Variants in PPAT observed in about 807,000 individuals in gnomAD.
PPAT encodes the protein phosphoribosyl pyrophosphate amidotransferase.
In PPAT, 20 loss-of-function variants were observed where a neutral mutation model predicts 60.2. The ratio of observed to expected loss-of-function variants is 0.33; its 90% CI spans 0.23 to 0.48. The LOEUF is 0.48. Ranked by LOEUF, PPAT falls within the 20% of genes least tolerant of loss-of-function variation. The probability of loss-of-function intolerance (pLI) is 0.99; values close to 1 mark genes in which losing one functional copy is unlikely to be tolerated. For missense variants in PPAT, 349 were observed against 629.6 expected, an observed-to-expected ratio of 0.55 and a Z score of 4.77; for synonymous variants, 194 against 215.1, an observed-to-expected ratio of 0.90 and a Z score of 0.86.
intron 1 of PPAT, among the ~76,000 whole-genome samples, chr4:56,429,633 G>T (rs1473526530): frequency 5.3e-5 from 8 of 152,142 alleles, no homozygotes; most frequent in African/African-American, 1.9e-4. Context: ...AAATAATCCA[G>T]CTTTAATGCC....
rs543108405 is a variant in PPAT at position 56,403,658 on chromosome 4, C to G, written c.403-257G>C. ...ATTACATTTATTGTGCACTTTATTT[C>G]TATTATTACTATACTGTAATATATA... On this transcript the variant is annotated intron_variant, in intron 3 of 10. Transcript: ENST00000264220. 9.2e-5 allele frequency among the ~76,000 whole-genome samples: 14 copies of G among 152,226 alleles called. No individual in the cohort carries two copies. The East Asian group carries it at 2.1e-3, about 23-fold the overall frequency.
rs140985493 is a variant in PPAT at position 56,393,976 on chromosome 4, C to G, written c.*1376G>C. The G allele has an allele frequency of 4.6e-5, 7 of 152,150 alleles. No individual in the cohort carries two copies. In the East Asian group the frequency reaches 1.4e-3, roughly 29 times the overall value. The allele number at this position is 152,150 out of a possible 1,614,324, so 9.4% of individuals were successfully genotyped here. A position where few individuals can be genotyped will look rare whatever the true frequency, so the allele number is the denominator to read the frequency against. On this transcript the variant is annotated 3_prime_UTR_variant, in exon 11 of 11. Coordinates refer to ENST00000264220, the MANE Select transcript of PPAT (RefSeq NM_002703.5). ...GCCTGCTATAATATAATATGCGAGA[C>G]TATATACCAAAGGAAGACAAACAGT...
At chr4:56,425,410 A>G in intron 1 of PPAT, 3 of 940,490 alleles carry the variant, frequency 3.2e-6, no homozygotes, top group Non-Finnish European at 3.8e-6. Context: ...CTAAAACTTC[A>G]GAAAACCGAA....
At chr4:56,402,820 CAAAAAAAAAAAA>C (rs556899549) in intron 5 of PPAT, among the ~76,000 whole-genome samples, 1 of 44,048 alleles carries the variant, frequency 2.3e-5, no homozygotes, top group East Asian at 5.5e-4. Flanking sequence ...ACTCGGTCTC[CAAAAAAAAAAAA>C]AAAAAAAAAA....
chr4:56,401,225 T>C, intron 7 of PPAT, 105 bp downstream of exon 7: 3 of 1,058,948 alleles, frequency 2.8e-6, no homozygotes, highest in South Asian at 3.4e-5. Flanking sequence ...CATATAACTA[T>C]ATGCCTTCAA....
chr4:56,413,623 T>C (rs1231434901), intron 1 of PPAT, among the ~76,000 whole-genome samples: 1 of 152,072 alleles, frequency 6.6e-6, no homozygotes, highest in Non-Finnish European at 1.5e-5. Flanking sequence ...AGGCCAGGCA[T>C]GGTGGCTCAT....
intron 1 of PPAT, among the ~76,000 whole-genome samples, chr4:56,412,836 C>G (rs1010561933): frequency 3.9e-5 from 6 of 152,116 alleles, no homozygotes; most frequent in Admixed American, 1.3e-4. Context: ...CACCCTCTTC[C>G]CATATACTTT....
At chr4:56,402,019 C>T in intron 6 of PPAT, 90 bp downstream of exon 6, 1 of 977,146 alleles carries the variant, frequency 1.0e-6, no homozygotes, top group Non-Finnish European at 1.4e-6. Context: ...AAAAAGAAAA[C>T]TTTCAAACTT....
chr4:56,406,493 A>G lies in PPAT; in HGVS notation c.402+2T>C. 6.2e-7 allele frequency: 1 copy of G among 1,609,132 alleles called. No homozygotes were observed. The highest frequency in any genetic ancestry group is 8.5e-7 in the Non-Finnish European group (1 of 1,177,240). ...CTAGGGAAAACAAACAAACAAACGTACCTTTTTCCTTAATCGAGCAGCATT... is the reference window on the plus strand; with the variant it reads ...CTAGGGAAAACAAACAAACAAACGTGCCTTTTTCCTTAATCGAGCAGCATT... On this transcript the variant is annotated splice_donor_variant, in intron 3 of 10. Transcript: ENST00000264220. LOFTEE classifies it high-confidence loss of function.
chr4:56,406,786 C>T, intron 2 of PPAT, 85 bp from the exon 3 acceptor site: 1 of 911,702 alleles, frequency 1.1e-6, no homozygotes, highest in East Asian at 2.6e-5. Flanking sequence ...CCAGCCAATC[C>T]AAATAAGACA....
chr4:56,408,722 C>T (rs1359621961), intron 1 of PPAT, among the ~76,000 whole-genome samples: 1 of 150,264 alleles, frequency 6.7e-6, no homozygotes, highest in Non-Finnish European at 1.5e-5. Flanking sequence ...CCACTGCACT[C>T]CGGCCTGGGC....
Position 56,396,816 on chromosome 4 carries a change from T to G in PPAT, c.1237-77A>C. 7.1e-7 allele frequency: 1 copy of G among 1,411,454 alleles called. No homozygotes were observed. The highest frequency in any genetic ancestry group is 9.6e-7 in the Non-Finnish European group (1 of 1,043,762). The allele number at this position is 1,411,454 out of a possible 1,614,324, so 87.4% of individuals were successfully genotyped here. On this transcript the variant is annotated intron_variant, in intron 9 of 10. Transcript: ENST00000264220. The surrounding 1 kb of genome is among the most constrained non-coding windows in gnomAD (Gnocchi z 4.6). ...TCATTGTGCAAATACAATACAAAAT[T>G]GTTTTGCAGAATATTCAGTAACAAC...
intron 1 of PPAT, among the ~76,000 whole-genome samples, chr4:56,426,485 C>T (rs931712895): frequency 2.0e-5 from 3 of 152,056 alleles, no homozygotes; most frequent in Non-Finnish European, 4.4e-5. Context: ...AACCACTAAC[C>T]AACTTTCTGT....
chr4:56,413,079 G>A (rs549332487), intron 1 of PPAT, among the ~76,000 whole-genome samples: 28 of 152,274 alleles, frequency 1.8e-4, no homozygotes, highest in Admixed American at 5.2e-4. Context: ...ATTACTTTAA[G>A]ACACAAAGTA....
Position 56,395,493 on chromosome 4 carries a change from T to C in PPAT, c.1413A>G (p.Glu471=). 1 of 1,610,872 alleles carries C rather than the reference T, an allele frequency of 6.2e-7. No individual in the cohort carries two copies. Among genetic ancestry groups the C allele is most frequent in the East Asian group, 2.2e-5 (1 of 44,562 alleles). ...SVEGLVSSVQ[E]GIKFKKQKEK... ...CTTTCTGTTTTTTAAACTTTATCCCTTCTTGTACAGATGAAACCAGTCCTT... is the reference window on the plus strand; with the variant it reads ...CTTTCTGTTTTTTAAACTTTATCCCCTCTTGTACAGATGAAACCAGTCCTT... Residue 471 remains glutamate (E), a synonymous_variant, in exon 11 of 11, where the codon GAA becomes GAG. Coordinates refer to ENST00000264220, the MANE Select transcript of PPAT (RefSeq NM_002703.5).
intron 1 of PPAT, 42 bp from the exon 2 acceptor site, chr4:56,407,758 G>A (rs1716282883): frequency 6.9e-7 from 1 of 1,448,116 alleles, no homozygotes; most frequent in Middle Eastern, 1.7e-4. Context: ...TCTGCCAATT[G>A]ATTAGCTTCT....
In PPAT at chr4:56,412,503, T is replaced by C. The variant is rs151072334; in HGVS notation, c.129-4787A>G. Among the ~76,000 whole-genome samples the C allele has an allele frequency of 2.6e-3, 397 of 152,256 alleles. 3 individuals carry two copies. Among genetic ancestry groups the C allele is most frequent in the African/African-American group, 9.1e-3 (379 of 41,556 alleles). On this transcript the variant is annotated intron_variant, in intron 1 of 10. Coordinates refer to ENST00000264220, the MANE Select transcript of PPAT (RefSeq NM_002703.5). ...TTTTTGTGGGATGGGTTTCCCACCATGTTGCCCTGGCTGGTCTTGAACTCC... is the reference window on the plus strand; with the variant it reads ...TTTTTGTGGGATGGGTTTCCCACCACGTTGCCCTGGCTGGTCTTGAACTCC...
chr4:56,402,918 T>C, intron 5 of PPAT, 122 bp downstream of exon 5: 2 of 828,996 alleles, frequency 2.4e-6, no homozygotes, highest in Non-Finnish European at 3.4e-6. Flanking sequence ...TTTATTTTTA[T>C]TTTTCTTACC....
chr4:56,434,875 C>A (rs537047643), intron 1 of PPAT, among the ~76,000 whole-genome samples: 2 of 152,240 alleles, frequency 1.3e-5, no homozygotes, highest in Non-Finnish European at 2.9e-5. Context: ...ATAGCTCTGC[C>A]CTTGCAAACA....
Sources: gnomAD v4.1 joint callset for allele counts (sites outside exome capture counted in the v4.1 genomes callset) on GRCh38, gnomAD v4.1.1 for gene constraint, Gnocchi (gnomAD v3.1) non-coding constraint, MANE v1.5 for transcripts, NCBI Gene and HGNC (gene_info 2026-07-23, HGNC 2026-07-21) for gene names.